The following PRIM2 variants were observed in gnomAD, a reference collection of about 807,000 sequenced individuals.
PRIM2 encodes the protein DNA primase large subunit.
A neutral mutation model predicts 67.3 loss-of-function variants in PRIM2; 39 were observed. The ratio of observed to expected loss-of-function variants is 0.58; its 90% CI spans 0.45 to 0.76. The LOEUF (loss-of-function observed/expected upper bound fraction) is 0.76. Ranked by LOEUF, PRIM2 falls within the 30% of genes least tolerant of loss-of-function variation. The pLI, the probability that PRIM2 is intolerant of heterozygous loss-of-function variation, is 0.00. For missense variants in PRIM2, 398 were observed against 598.7 expected, an observed-to-expected ratio of 0.66 and a Z score of 3.50; for synonymous variants, 143 against 198.7, an observed-to-expected ratio of 0.72 and a Z score of 2.36.
chr6:57,305,738 G>A, the PRIM2 span, among the ~76,000 whole-genome samples: 3 of 152,154 alleles, frequency 2.0e-5, no homozygotes, highest in Non-Finnish European at 4.4e-5. Context: ...GGATCTTCAA[G>A]TAGATTTTAG....
intron 7 of PRIM2, among the ~76,000 whole-genome samples, chr6:57,450,068 A>C (rs1467925519): frequency 3.9e-5 from 6 of 152,192 alleles, no homozygotes; most frequent in Non-Finnish European, 8.8e-5. Flanking sequence ...AATTTATACA[A>C]TCTTTAAAAA....
chr6:57,343,322 A>G (rs946015335), intron 5 of PRIM2, among the ~76,000 whole-genome samples: 1 of 152,216 alleles, frequency 6.6e-6, no homozygotes, highest in Non-Finnish European at 1.5e-5. Context: ...ATTATGTAAA[A>G]TATGAACATC....
chr6:57,378,364 C>A (rs1769841744), intron 5 of PRIM2, among the ~76,000 whole-genome samples: 1 of 151,818 alleles, frequency 6.6e-6, no homozygotes, highest in Admixed American at 6.6e-5. Flanking sequence ...CCGTGCCCAG[C>A]CTTTTGCTTT....
intron 7 of PRIM2, among the ~76,000 whole-genome samples, chr6:57,443,538 C>A (rs11965259): frequency 6.6e-6 from 1 of 151,772 alleles, no homozygotes; most frequent in African/African-American, 2.4e-5. Context: ...TGTCTTTTGG[C>A]CATTTGCGTG....
chr6:57,625,676 A>G (rs1204979275), intron 12 of PRIM2, among the ~76,000 whole-genome samples: 1 of 152,260 alleles, frequency 6.6e-6, no homozygotes, highest in Non-Finnish European at 1.5e-5. Context: ...GAAGGCTTCA[A>G]AAATGGAGAG....
intron 5 of PRIM2, among the ~76,000 whole-genome samples, chr6:57,377,167 T>C (rs1769795947): frequency 6.6e-6 from 1 of 151,838 alleles, no homozygotes; most frequent in East Asian, 1.9e-4. Flanking sequence ...GGATTACAGG[T>C]GTGAGTCACC....
the PRIM2 span, among the ~76,000 whole-genome samples, chr6:57,229,110 GTGC>G: frequency 6.6e-6 from 1 of 152,280 alleles, no homozygotes; most frequent in East Asian, 1.9e-4. Context: ...AGTATTTAGT[GTGC>G]TACTTCAATA....
In PRIM2 at chr6:57,516,140, T is replaced by G. The variant is rs1200817882; in HGVS notation, c.761+8686T>G. Among the ~76,000 whole-genome samples, 266 of 151,820 alleles carry G rather than the reference T, an allele frequency of 1.8e-3. 3 individuals are homozygous for G. Among genetic ancestry groups the G allele is most frequent in the African/African-American group, 6.0e-3 (250 of 41,370 alleles). ...ACACTGCCTCCAACCTGAGAAAGTT[T>G]TCTGCTTTTAAAGGCCCGTGCGATT... On this transcript the variant is annotated intron_variant, in intron 8 of 13. Coordinates refer to ENST00000615550, the MANE Select transcript of PRIM2 (RefSeq NM_000947.5).
At chr6:57,578,898 G>A (rs1366148009) in intron 10 of PRIM2, among the ~76,000 whole-genome samples, 1 of 151,266 alleles carries the variant, frequency 6.6e-6, no homozygotes, top group East Asian at 1.9e-4. Context: ...GGATGGTCTC[G>A]ATCTCCTGAC....
chr6:57,326,031 T>C lies in PRIM2; in HGVS notation c.445T>C (p.Leu149=), dbSNP rs997341394. Residue 149 remains leucine, a synonymous_variant, in exon 5 of 14, where the codon TTG becomes CTG. Coordinates refer to ENST00000615550, the MANE Select transcript of PRIM2 (RefSeq NM_000947.5). ...TCAGGATTTCTTAAAGGATAGCCAATTGCAGTTTGAGGCTGTAAGTATATT... is the reference window on the plus strand; with the variant it reads ...TCAGGATTTCTTAAAGGATAGCCAACTGCAGTTTGAGGCTGTAAGTATATT... ...KIQDFLKDSQ[L]QFEAISDEEK... 1.9e-6 allele frequency: 3 copies of C among 1,612,108 alleles called. No individual in the cohort carries two copies. The highest frequency in any genetic ancestry group is 1.7e-5 in the Admixed American group (1 of 59,684).
intron 10 of PRIM2, among the ~76,000 whole-genome samples, chr6:57,599,540 TCATAA>T (rs1776424520): frequency 6.6e-6 from 1 of 151,912 alleles, no homozygotes; most frequent in African/African-American, 2.4e-5. Flanking sequence ...AGATTTATCT[TCATAA>T]CATATTTGAT....
At chr6:57,577,426 A>C (rs1315919485) in intron 10 of PRIM2, among the ~76,000 whole-genome samples, 3 of 134,118 alleles carry the variant, frequency 2.2e-5, no homozygotes, top group Non-Finnish European at 3.2e-5. Context: ...CTGGTATATA[A>C]ATTTTTTTTT....
At chr6:57,333,526 C>G (rs1241368680) in intron 5 of PRIM2, among the ~76,000 whole-genome samples, 1 of 152,028 alleles carries the variant, frequency 6.6e-6, no homozygotes. Flanking sequence ...TTGGTGGACT[C>G]TTTTAATCTG....
intron 7 of PRIM2, among the ~76,000 whole-genome samples, chr6:57,500,181 T>G (rs1379953607): frequency 1.3e-5 from 2 of 152,176 alleles, no homozygotes; most frequent in African/African-American, 4.8e-5. Flanking sequence ...TTCCTTTCTG[T>G]CCCTACTGCC....
At chr6:57,503,307 C>T (rs1774178436) in intron 7 of PRIM2, among the ~76,000 whole-genome samples, 1 of 152,188 alleles carries the variant, frequency 6.6e-6, no homozygotes, top group African/African-American at 2.4e-5. Context: ...GAATACCCTG[C>T]TGCTTTACGA....
At chr6:57,593,395 C>T (rs1316191488) in intron 10 of PRIM2, among the ~76,000 whole-genome samples, 13 of 152,106 alleles carry the variant, frequency 8.5e-5, no homozygotes, top group Middle Eastern at 3.4e-3. Context: ...CTCTGCCTCC[C>T]GGGTTCAAGT....
intron 7 of PRIM2, among the ~76,000 whole-genome samples, chr6:57,506,958 G>A (rs1774263158): frequency 2.0e-5 from 3 of 152,184 alleles, no homozygotes; most frequent in Middle Eastern, 3.4e-3. Context: ...TTTCACAGTG[G>A]CTTAGCTATA....
the PRIM2 span, among the ~76,000 whole-genome samples, chr6:57,261,430 C>A: frequency 6.6e-6 from 1 of 152,234 alleles, no homozygotes; most frequent in Non-Finnish European, 1.5e-5. Flanking sequence ...TCTGCTCTCT[C>A]TTCAGGGCCA....
intron 13 of PRIM2, among the ~76,000 whole-genome samples, chr6:57,638,495 T>C (rs2127500898): frequency 6.9e-6 from 1 of 144,060 alleles, no homozygotes; most frequent in Non-Finnish European, 1.5e-5. Context: ...TGTGCTGTAT[T>C]CAGGAGACCA....
Sources: gnomAD v4.1 joint callset for allele counts (sites outside exome capture counted in the v4.1 genomes callset) on GRCh38, gnomAD v4.1.1 for gene constraint, MANE v1.5 for transcripts, NCBI Gene and HGNC (gene_info 2026-07-23, HGNC 2026-07-21) for gene names.